Variants in HERC3 observed in about 807,000 individuals in gnomAD.
HERC3 encodes probable E3 ubiquitin-protein ligase HERC3.
In HERC3, 58 loss-of-function variants were observed where a neutral mutation model predicts 129.9. The observed-to-expected ratio is 0.45, with a 90% CI of 0.36 to 0.56. HERC3 has a LOEUF of 0.56. Ranked by LOEUF, HERC3 falls within the 20% of genes least tolerant of loss-of-function variation. The probability of loss-of-function intolerance (pLI) is 0.00; values close to 1 mark genes in which losing one functional copy is unlikely to be tolerated. For synonymous variants in HERC3, 430 were observed against 451.0 expected (o/e 0.95, Z 0.59); for missense variants, 835 against 1,244.2 (o/e 0.67, Z 4.95).
At chr4:88,661,956 A>G (rs569512051) in intron 10 of HERC3, among the ~76,000 whole-genome samples, 9 of 152,302 alleles carry the variant, frequency 5.9e-5, no homozygotes, top group African/African-American at 1.9e-4. Flanking sequence ...AGTCTGGGAA[A>G]GTTGTACTGA....
At chr4:88,599,217 C>A (rs2149177029) in intron 2 of HERC3, among the ~76,000 whole-genome samples, 1 of 152,300 alleles carries the variant, frequency 6.6e-6, no homozygotes, top group Non-Finnish European at 1.5e-5. Flanking sequence ...TGGCTGGCTT[C>A]TCTCCAATGT....
chr4:88,580,340 C>T, the HERC3 span, among the ~76,000 whole-genome samples: 1 of 152,006 alleles, frequency 6.6e-6, no homozygotes, highest in East Asian at 1.9e-4. Context: ...GCCTGGCCAA[C>T]AGGATGAAAC....
At chr4:88,633,506 T>C (rs1201370062) in intron 3 of HERC3, among the ~76,000 whole-genome samples, 1 of 152,184 alleles carries the variant, frequency 6.6e-6, no homozygotes, top group Non-Finnish European at 1.5e-5. Context: ...ATTATTGTAA[T>C]TCCTGGAACA....
At chr4:88,662,731 T>C (rs1469297759) in intron 11 of HERC3, among the ~76,000 whole-genome samples, 176 bp downstream of exon 11, 1 of 152,124 alleles carries the variant, frequency 6.6e-6, no homozygotes, top group Non-Finnish European at 1.5e-5. Flanking sequence ...TAGCCCCAAA[T>C]AGCATAATGG....
chr4:88,667,305 A>T, intron 12 of HERC3, 72 bp from the exon 13 acceptor site: 2 of 735,142 alleles, frequency 2.7e-6, no homozygotes, highest in Non-Finnish European at 4.5e-6. Flanking sequence ...ACAGTATTTT[A>T]CTTGTTTATA....
At chr4:88,527,053 C>G in the HERC3 span, 1 of 152,116 alleles carries the variant, frequency 6.6e-6, no homozygotes, top group African/African-American at 2.4e-5. Flanking sequence ...TGAAATAACT[C>G]TAGACATGAA....
intron 23 of HERC3, chr4:88,693,640 C>A: frequency 1.4e-5 from 14 of 979,180 alleles, no homozygotes; most frequent in Non-Finnish European, 1.7e-5. Flanking sequence ...ATGCAAATTT[C>A]ACCTCAATAA....
intron 2 of HERC3, among the ~76,000 whole-genome samples, chr4:88,602,834 A>G (rs1318488154): frequency 2.0e-5 from 3 of 152,184 alleles, no homozygotes; most frequent in African/African-American, 7.2e-5. Context: ...GATGCTGATT[A>G]GAGATTTAGC....
At chr4:88,612,329 TAAG>T (rs1044491050) in intron 3 of HERC3, among the ~76,000 whole-genome samples, 1 of 101,548 alleles carries the variant, frequency 9.8e-6, no homozygotes, top group Non-Finnish European at 2.0e-5. Flanking sequence ...GTGTGTGTGG[TAAG>T]AAGGAGGCAT....
intron 10 of HERC3, 37 bp from the exon 11 acceptor site, chr4:88,662,394 T>G: frequency 2.5e-6 from 4 of 1,579,660 alleles, no homozygotes; most frequent in Non-Finnish European, 3.4e-6. Flanking sequence ...CCATGCTACA[T>G]AATTTCTTCT....
At chr4:88,626,894 G>A (rs1021714444) in intron 3 of HERC3, among the ~76,000 whole-genome samples, 2 of 151,706 alleles carry the variant, frequency 1.3e-5, no homozygotes, top group Non-Finnish European at 1.5e-5. Flanking sequence ...TTTGTTTTCT[G>A]TTTCAGTGAT....
At chr4:88,551,200 A>G in the HERC3 span, among the ~76,000 whole-genome samples, 1 of 152,330 alleles carries the variant, frequency 6.6e-6, no homozygotes, top group South Asian at 2.1e-4. Context: ...AAACCTAGGC[A>G]TTACCATTCA....
chr4:88,555,547 GT>G, the HERC3 span, among the ~76,000 whole-genome samples: 2 of 151,758 alleles, frequency 1.3e-5, no homozygotes, highest in Non-Finnish European at 2.9e-5. Flanking sequence ...GAATTATGTT[GT>G]TTTTATGGCT....
At chr4:88,654,349 C>CATATATATATATATATATAT (rs869126362) in intron 7 of HERC3, among the ~76,000 whole-genome samples, 2 of 70,968 alleles carry the variant, frequency 2.8e-5, no homozygotes, top group African/African-American at 5.8e-5. Flanking sequence ...GTAGATTTTT[C>CATATATATATATATATATAT]ATATATATAT....
chr4:88,655,281 A>G lies in HERC3; in HGVS notation c.885A>G (p.Glu295=). The part of the protein sequence containing the change: ...PRRVLELMGS[E]VTQIACGRQH... ...GAGTTCTAGAGCTGATGGGTAGTGA[A>G]GTAACTCAAATTGCTTGTGGCAGGT... Residue 295 remains glutamate, a synonymous_variant, in exon 8 of 26, where the codon GAA becomes GAG. Coordinates refer to ENST00000402738, the MANE Select transcript of HERC3 (RefSeq NM_014606.3). 6.2e-7 allele frequency: 1 copy of G among 1,613,918 alleles called. No individual in the cohort carries two copies. The highest frequency in any genetic ancestry group is 1.3e-5 in the African/African-American group (1 of 75,054).
chr4:88,654,267 G>A (rs1385855027), intron 7 of HERC3, 134 bp downstream of exon 7: 1 of 476,936 alleles, frequency 2.1e-6, no homozygotes, highest in Non-Finnish European at 3.6e-6. Flanking sequence ...TTTTATGTGG[G>A]TTTGTTGTTT....
chr4:88,525,496 G>T, the HERC3 span, among the ~76,000 whole-genome samples: 6 of 152,322 alleles, frequency 3.9e-5, no homozygotes, highest in East Asian at 1.2e-3. Flanking sequence ...AGGCACCCAT[G>T]CTTAAGCCTC....
At position 88,659,547 on chromosome 4, in the gene HERC3, C is replaced by T. The variant is rs181000777; in HGVS notation, c.1146+1056C>T. On this transcript the variant is annotated intron_variant, in intron 10 of 25. Transcript: ENST00000402738. ...GCCTGAAGAAGGTGGCTTAGTGCTA[C>T]CATCTGGCGTGATTTGGAACTGCTG... 2.4e-3 allele frequency among the ~76,000 whole-genome samples: 367 copies of T among 152,282 alleles called. 2 individuals are homozygous for T. Among genetic ancestry groups the T allele is most frequent in the African/African-American group, 8.6e-3 (359 of 41,568 alleles).
chr4:88,556,205 T>C, the HERC3 span, among the ~76,000 whole-genome samples: 1 of 152,176 alleles, frequency 6.6e-6, no homozygotes, highest in Admixed American at 6.5e-5. Context: ...TAGGAGCAAC[T>C]GTGTTACATA....
Sources: allele counts gnomAD v4.1 joint callset (sites outside exome capture counted in the v4.1 genomes callset), GRCh38; gene constraint gnomAD v4.1.1; transcripts MANE v1.5; gene names NCBI Gene and HGNC (gene_info 2026-07-23, HGNC 2026-07-21).